The following BRCA1 variants were observed in gnomAD, a reference collection of about 807,000 sequenced individuals.
The protein encoded by BRCA1 is breast cancer type 1 susceptibility protein.
BRCA1 carries 140 observed loss-of-function variants against 173.7 expected under a neutral mutation model. The observed-to-expected ratio is 0.81, with a 90% CI of 0.70 to 0.93. The LOEUF is 0.93. Among genes scored for constraint, BRCA1 ranks in the 40% least tolerant of loss-of-function variants. The pLI is 0.00. For missense variants in BRCA1, 1,983 were observed against 2,172.5 expected, an observed-to-expected ratio of 0.91 and a Z score of 1.73; for synonymous variants, 662 against 756.0, an observed-to-expected ratio of 0.88 and a Z score of 2.04.
intron 1 of BRCA1, chr17:43,159,385 C>G (rs1235473503): frequency 1.3e-5 from 2 of 157,088 alleles, no homozygotes; most frequent in Non-Finnish European, 1.4e-5. Context: ...ACCTCCCTCC[C>G]GGACGGGGCG....
rs397507201 is a variant in BRCA1, at chr17:43,093,105, T to G, written c.2426A>C (p.Glu809Ala). 1 of 1,613,668 alleles carries G rather than the reference T, an allele frequency of 6.2e-7. No individual in the cohort carries two copies. Among genetic ancestry groups the G allele is most frequent in the African/African-American group, 1.3e-5 (1 of 75,044 alleles). ...NKCVSQCAAF[E>A]NPKGLIHGCS... ...ACCATGAATTAGTCCCTTGGGGTTT[T>G]CAAATGCTGCACACTGACTCACACA... Residue 809 changes from glutamate to alanine, a missense_variant, in exon 10 of 23, where the codon GAA becomes GCA. Glu to Ala is a moderately radical substitution (Grantham distance 107). Transcript: ENST00000357654.
chr17:43,061,451 A>G (rs2051747541), intron 18 of BRCA1, among the ~76,000 whole-genome samples: 1 of 152,124 alleles, frequency 6.6e-6, no homozygotes, highest in South Asian at 2.1e-4. Flanking sequence ...AGTCTTATTT[A>G]CTGTTGCATT....
chr17:43,138,622 T>C (rs1037210436), intron 1 of BRCA1: 8 of 763,070 alleles, frequency 1.0e-5, no homozygotes, highest in African/African-American at 1.0e-4. Context: ...GAGTGGTGGC[T>C]GCTCATGACA....
At chr17:43,118,435 G>A (rs2055395708) in intron 2 of BRCA1, among the ~76,000 whole-genome samples, 1 of 151,190 alleles carries the variant, frequency 6.6e-6, no homozygotes, top group Non-Finnish European at 1.5e-5. Context: ...GGAGTGCAGT[G>A]GCACCATCTC....
rs562815577 is a variant in BRCA1 at position 43,085,741 on chromosome 17, T to C, written c.4186-3166A>G. Among the ~76,000 whole-genome samples the C allele has an allele frequency of 2.6e-5, 4 of 152,260 alleles. No individual in the cohort carries two copies. In the East Asian group the frequency reaches 7.7e-4, roughly 29 times the overall value. The stretch of plus-strand genomic sequence containing the variant: ...GGGCAAGTGGGCAGAATGTGGCTAA[T>C]TCTAATAAGACTCCTGAAATGTGCA... On this transcript the variant is annotated intron_variant, in intron 11 of 22. Coordinates refer to ENST00000357654, the MANE Select transcript of BRCA1 (RefSeq NM_007294.4).
intron 1 of BRCA1, chr17:43,168,120 G>A (rs561072469): frequency 6.5e-6 from 2 of 307,966 alleles, no homozygotes; most frequent in Admixed American, 4.6e-5. Context: ...ATTTGCATAG[G>A]AGATAATCAT....
At chr17:43,053,515 A>G (rs1467367713) in intron 19 of BRCA1, among the ~76,000 whole-genome samples, 1 of 152,012 alleles carries the variant, frequency 6.6e-6, no homozygotes, top group Non-Finnish European at 1.5e-5. Context: ...ACAAAAAATT[A>G]GCTGGGCATG....
rs8176083 is a variant in BRCA1, at chr17:43,123,134, G to C, written c.80+883C>G. On this transcript the variant is annotated intron_variant, in intron 2 of 22. Transcript: ENST00000357654. Reference sequence around the variant, plus strand: ...TCGTCCCTGCTACTCTGGAGGCTGAGGTGGGAGGATTGCTTGAGCCTGACG... The same window carrying C: ...TCGTCCCTGCTACTCTGGAGGCTGACGTGGGAGGATTGCTTGAGCCTGACG... 0.3 allele frequency among the ~76,000 whole-genome samples: 45,398 copies of C among 151,406 alleles called. 7,370 individuals are homozygous for C. The highest frequency in any genetic ancestry group is 0.49 in the South Asian group (2,360 of 4,798).
intron 1 of BRCA1, chr17:43,142,573 C>T (rs2056082937): frequency 6.6e-6 from 1 of 152,166 alleles, no homozygotes; most frequent in African/African-American, 2.4e-5. Context: ...GTCCTTCTAG[C>T]CCTGTATCCT....
At chr17:43,138,843 G>C in intron 1 of BRCA1, 1 of 778,882 alleles carries the variant, frequency 1.3e-6, no homozygotes, top group East Asian at 2.4e-5. Flanking sequence ...TCACCAGCCT[G>C]GGGACCGTGG....
At chr17:43,049,222 A>AT in intron 20 of BRCA1, 28 bp from the exon 21 acceptor site, 1 of 1,604,178 alleles carries the variant, frequency 6.2e-7, no homozygotes, top group Non-Finnish European at 8.5e-7. Context: ...ATGTAAAATC[A>AT]CTGCAGTAAT....
intron 7 of BRCA1, among the ~76,000 whole-genome samples, chr17:43,098,695 A>G (rs907728615): frequency 1.3e-5 from 2 of 151,332 alleles, no homozygotes. Context: ...AAAAATAGAG[A>G]CAGGGTTCCC....
At chr17:43,104,081 GAA>G (rs2154548295) in intron 6 of BRCA1, 39 bp downstream of exon 6, 2 of 693,168 alleles carry the variant, frequency 2.9e-6, no homozygotes, top group Non-Finnish European at 1.9e-6. Context: ...AAAAAAAAAA[GAA>G]AAGAAGAAGA....
chr17:43,119,694 T>C (rs1470004119), intron 2 of BRCA1, among the ~76,000 whole-genome samples: 1 of 152,194 alleles, frequency 6.6e-6, no homozygotes, highest in Non-Finnish European at 1.5e-5. Flanking sequence ...AAAACTCTGA[T>C]TGGTTACTAA....
intron 2 of BRCA1, among the ~76,000 whole-genome samples, chr17:43,118,761 C>CCT (rs2055411954): frequency 7.3e-6 from 1 of 136,626 alleles, no homozygotes; most frequent in Admixed American, 7.5e-5. Context: ...GAATGTGAAC[C>CCT]TTTTTTTTTT....
chr17:43,110,762 G>A (rs1484992739), intron 3 of BRCA1, among the ~76,000 whole-genome samples: 2 of 152,012 alleles, frequency 1.3e-5, no homozygotes, highest in African/African-American at 2.4e-5. Flanking sequence ...ATCACTTGAG[G>A]TCAGCTCAAG....
At chr17:43,049,075 A>T (rs779935143) in intron 21 of BRCA1, 46 bp downstream of exon 21, 8 of 1,574,582 alleles carry the variant, frequency 5.1e-6, no homozygotes, top group Non-Finnish European at 6.1e-6. Flanking sequence ...TGCTCACAGG[A>T]GAGAATATTG....
intron 11 of BRCA1, among the ~76,000 whole-genome samples, chr17:43,085,709 G>C (rs1036050976): frequency 6.6e-6 from 1 of 152,060 alleles, no homozygotes; most frequent in Non-Finnish European, 1.5e-5. Flanking sequence ...TGAAATATGA[G>C]AAGTAAGGGC....
intron 12 of BRCA1, among the ~76,000 whole-genome samples, chr17:43,078,782 G>A (rs2052859097): frequency 6.6e-6 from 1 of 152,154 alleles, no homozygotes; most frequent in Non-Finnish European, 1.5e-5. Flanking sequence ...TCTGTTGAAA[G>A]TAAGTAGGAT....
Sources: gnomAD v4.1 joint callset for allele counts (sites outside exome capture counted in the v4.1 genomes callset) on GRCh38, gnomAD v4.1.1 for gene constraint, MANE v1.5 for transcripts, NCBI Gene and HGNC (gene_info 2026-07-23, HGNC 2026-07-21) for gene names.